Variants in GUCY1A2 observed in about 807,000 individuals in gnomAD.
GUCY1A2 encodes guanylate cyclase soluble subunit alpha-2.
Under a neutral mutation model 63.5 loss-of-function variants are expected in GUCY1A2, and 27 were observed. That is an observed-to-expected ratio of 0.43 (90% CI 0.31 to 0.59). GUCY1A2 has a LOEUF of 0.59. Ranked by LOEUF, GUCY1A2 falls within the 20% of genes least tolerant of loss-of-function variation. The pLI, the probability that GUCY1A2 is intolerant of heterozygous loss-of-function variation, is 0.11. For synonymous variants in GUCY1A2, 364 were observed against 343.5 expected (o/e 1.06, Z -0.66); for missense variants, 768 against 913.3 (o/e 0.84, Z 2.05).
chr11:106,939,756 T>C lies in GUCY1A2; in HGVS notation c.910A>G (p.Asn304Asp). Residue 304 changes from asparagine (N) to aspartate (D), a missense_variant, in exon 4 of 8, where the codon AAC (asparagine) becomes GAC (aspartate). Asn to Asp is a conservative substitution (Grantham distance 23). This residue lies in a region of GUCY1A2 where 496 missense variants were observed against 486.9 expected (regional missense o/e 1.02). Transcript: ENST00000526355. ...KECENTNIMKNLPQGTSQVPA... is the reference protein window; with the variant it reads ...KECENTNIMKDLPQGTSQVPA... ...ACTTGGGAGGTTCCCTGTGGAAGGTTCTTCATGATATTAGTATTTTCACAT... is the reference window on the plus strand; with the variant it reads ...ACTTGGGAGGTTCCCTGTGGAAGGTCCTTCATGATATTAGTATTTTCACAT... The C allele has an allele frequency of 1.9e-6, 3 of 1,614,084 alleles. No individual in the cohort carries two copies. Among genetic ancestry groups the C allele is most frequent in the Non-Finnish European group, 2.5e-6 (3 of 1,179,940 alleles).
rs142068716 is a variant in GUCY1A2, at chr11:106,755,597, G to A, written c.1836+20842C>T. Among the ~76,000 whole-genome samples, 981 of 152,080 alleles carry A rather than the reference G, an allele frequency of 6.5e-3. 7 individuals carry two copies. Among genetic ancestry groups the A allele is most frequent in the African/African-American group, 0.022 (905 of 41,494 alleles). On this transcript the variant is annotated intron_variant, in intron 6 of 7. Transcript: ENST00000526355. ...ACATCTTTATTTCTGCCTTCATTTC[G>A]TTATGTACCCAGTAGTCATTCAGGA...
At chr11:106,822,417 T>A (rs1858915272) in intron 4 of GUCY1A2, among the ~76,000 whole-genome samples, 1 of 152,148 alleles carries the variant, frequency 6.6e-6, no homozygotes, top group Non-Finnish European at 1.5e-5. Flanking sequence ...GTTACATGGG[T>A]AAATTGTGTG....
chr11:106,908,226 C>A (rs76934556), intron 4 of GUCY1A2, among the ~76,000 whole-genome samples: 113 of 152,044 alleles, frequency 7.4e-4, no homozygotes, highest in African/African-American at 2.4e-3. Flanking sequence ...TATCATTAGA[C>A]CTTTCTTTAC....
chr11:106,734,440 T>C (rs1863554984), intron 6 of GUCY1A2, among the ~76,000 whole-genome samples: 1 of 152,080 alleles, frequency 6.6e-6, no homozygotes, highest in Non-Finnish European at 1.5e-5. Context: ...TTGAAAAAAA[T>C]AAATGTATTT....
intron 6 of GUCY1A2, among the ~76,000 whole-genome samples, chr11:106,716,793 AAGAT>A (rs1212433204): frequency 2.0e-4 from 24 of 120,596 alleles, no homozygotes; most frequent in African/African-American, 2.9e-4. Flanking sequence ...AAAAAAAAAA[AAGAT>A]AAGAGTAAAT....
intron 4 of GUCY1A2, among the ~76,000 whole-genome samples, chr11:106,823,709 C>T (rs1858931488): frequency 6.6e-6 from 1 of 152,136 alleles, no homozygotes; most frequent in African/African-American, 2.4e-5. Flanking sequence ...TTCCTTTTCT[C>T]TGCATCCACA....
intron 4 of GUCY1A2, chr11:106,936,790 G>T: frequency 1.4e-6 from 1 of 719,960 alleles, no homozygotes; most frequent in Non-Finnish European, 2.3e-6. Flanking sequence ...AATTATGAGA[G>T]CCCTCAATGT....
At chr11:106,835,862 T>A (rs1008380813) in intron 4 of GUCY1A2, among the ~76,000 whole-genome samples, 1 of 151,626 alleles carries the variant, frequency 6.6e-6, no homozygotes, top group African/African-American at 2.4e-5. Context: ...ATTCTAAAAG[T>A]GCATTACTGA....
chr11:106,724,781 C>T (rs1863376000), intron 6 of GUCY1A2, among the ~76,000 whole-genome samples: 1 of 152,156 alleles, frequency 6.6e-6, no homozygotes, highest in African/African-American at 2.4e-5. Flanking sequence ...ATGTGAGCAT[C>T]ACTATCCTCA....
chr11:106,698,119 A>AT (rs71470827), intron 7 of GUCY1A2, among the ~76,000 whole-genome samples: 3,593 of 100,478 alleles, frequency 0.036, 372 homozygotes, highest in Non-Finnish European at 0.047. Flanking sequence ...GAATGTTAGA[A>AT]TTTTTTTTTT....
At chr11:106,956,760 C>T (rs558855663) in intron 3 of GUCY1A2, among the ~76,000 whole-genome samples, 3 of 152,276 alleles carry the variant, frequency 2.0e-5, no homozygotes, top group South Asian at 2.1e-4. Flanking sequence ...CTCACCCAAT[C>T]GGGTGGCACA....
chr11:106,777,975 C>T lies in GUCY1A2; in HGVS notation c.1693-1393G>A, dbSNP rs557471099. On this transcript the variant is annotated intron_variant, in intron 5 of 7. Transcript: ENST00000526355. ...CCTCTTCTAATTCTATTGTCACATC[C>T]ATTCTGAATGTCCATTGCTGTTAAT... is the stretch of plus-strand genomic sequence containing the variant. Among the ~76,000 whole-genome samples the T allele has an allele frequency of 3.3e-5, 5 of 152,216 alleles. No homozygotes were observed. The East Asian group carries it at 9.7e-4, about 29-fold the overall frequency.
intron 3 of GUCY1A2, among the ~76,000 whole-genome samples, chr11:106,972,996 T>C (rs1423621927): frequency 1.3e-5 from 2 of 152,054 alleles, no homozygotes; most frequent in African/African-American, 4.8e-5. Context: ...CCTTTACATA[T>C]AGGAAGCAGT....
At chr11:106,978,471 A>G (rs1861291253) in intron 3 of GUCY1A2, 148 bp downstream of exon 3, 1 of 503,484 alleles carries the variant, frequency 2.0e-6, no homozygotes, top group Non-Finnish European at 3.4e-6. Flanking sequence ...CATCTTCAGG[A>G]GAGTTAACAC....
At chr11:106,789,368 TGACAG>T (rs1365330592) in intron 5 of GUCY1A2, among the ~76,000 whole-genome samples, 2 of 152,234 alleles carry the variant, frequency 1.3e-5, no homozygotes, top group African/African-American at 4.8e-5. Flanking sequence ...TAAATGTACC[TGACAG>T]AATTCTGAAT....
At chr11:106,885,249 T>C (rs148666202) in intron 4 of GUCY1A2, among the ~76,000 whole-genome samples, 1,955 of 152,314 alleles carry the variant, frequency 0.013, 27 homozygotes, top group South Asian at 0.048. Flanking sequence ...GTACAATGAA[T>C]GTGTCAGAAA....
intron 6 of GUCY1A2, among the ~76,000 whole-genome samples, chr11:106,761,687 A>G (rs1220565144): frequency 1.3e-5 from 2 of 152,156 alleles, no homozygotes; most frequent in Non-Finnish European, 2.9e-5. Flanking sequence ...GGCATAAACA[A>G]CCCTTGAAGC....
At chr11:106,811,479 A>G (rs961215313) in intron 4 of GUCY1A2, among the ~76,000 whole-genome samples, 7 of 152,118 alleles carry the variant, frequency 4.6e-5, no homozygotes, top group Admixed American at 1.3e-4. Flanking sequence ...AGTTTCATCT[A>G]TGTTCCACTA....
At chr11:107,005,462 C>A (rs921503597) in intron 1 of GUCY1A2, among the ~76,000 whole-genome samples, 1 of 152,094 alleles carries the variant, frequency 6.6e-6, no homozygotes, top group Admixed American at 6.6e-5. Context: ...TTTGTAGAGA[C>A]AAGATCTCAC....
Sources: gnomAD v4.1 joint callset for allele counts (sites outside exome capture counted in the v4.1 genomes callset) on GRCh38, gnomAD v4.1.1 for gene constraint, gnomAD v4.1.1 regional missense constraint, MANE v1.5 for transcripts, NCBI Gene and HGNC (gene_info 2026-07-23, HGNC 2026-07-21) for gene names.